Variants in PCDHGA4 observed in about 807,000 individuals in gnomAD.
PCDHGA4 encodes the protein protocadherin gamma-A4.
Under a neutral mutation model 54.6 loss-of-function variants are expected in PCDHGA4, and 38 were observed. The observed-to-expected ratio is 0.70, with a 90% CI of 0.54 to 0.91. The LOEUF is 0.91. Ranked by LOEUF, PCDHGA4 falls within the 40% of genes least tolerant of loss-of-function variation. The pLI is 0.00. For synonymous variants in PCDHGA4, 511 were observed against 512.9 expected, an observed-to-expected ratio of 1.00 and a Z score of 0.05; for missense variants, 1,298 against 1,220.9, an observed-to-expected ratio of 1.06 and a Z score of -0.94.
chr5:141,512,555 A>C lies in PCDHGA4; in HGVS notation c.*1382A>C, dbSNP rs1294402882. 2.6e-5 allele frequency: 4 copies of C among 152,986 alleles called. No individual in the cohort carries two copies. The highest frequency in any genetic ancestry group is 9.6e-5 in the African/African-American group (4 of 41,472). 9.5% of individuals were successfully genotyped at this position (152,986 alleles called of 1,614,324 possible). A position where few individuals can be genotyped will look rare whatever the true frequency, so the allele number is the denominator to read the frequency against. ...AGTTCCCCAGTGCCTCCTTGTGCAT[A>C]GACCTTCTTCTCCCACCCCCTTCTG... On this transcript the variant is annotated 3_prime_UTR_variant, in exon 4 of 4. Transcript: ENST00000571252.
At chr5:141,393,088 G>A in intron 1 of PCDHGA4, 3 of 1,613,648 alleles carry the variant, frequency 1.9e-6, no homozygotes, top group Non-Finnish European at 2.5e-6. Context: ...AGGATAGATC[G>A]GGAGGAGCTC....
intron 1 of PCDHGA4, among the ~76,000 whole-genome samples, chr5:141,401,908 T>C (rs942184637): frequency 1.3e-5 from 2 of 152,238 alleles, no homozygotes; most frequent in Admixed American, 1.3e-4. Flanking sequence ...CAAATTATTA[T>C]ATAAGTTTAA....
At chr5:141,375,897 C>T in intron 1 of PCDHGA4, 1 of 1,613,798 alleles carries the variant, frequency 6.2e-7, no homozygotes, top group South Asian at 1.1e-5. Flanking sequence ...GCCTGGCTGT[C>T]CTACCGCCTG....
rs541159563 is a variant in PCDHGA4, at chr5:141,383,854, G to A, written c.2514+26233G>A. 2.3e-5 allele frequency: 37 copies of A among 1,613,942 alleles called. No homozygotes were observed. The South Asian group carries it at 3.4e-4, about 15-fold the overall frequency. Reference sequence around the variant, plus strand: ...AGAAACTGCCTTCTATGAAATGGAGGTTCAGGCTCAAGATGGTCCTGGTAG... The same window carrying A: ...AGAAACTGCCTTCTATGAAATGGAGATTCAGGCTCAAGATGGTCCTGGTAG... On this transcript the variant is annotated intron_variant, in intron 1 of 3. Transcript: ENST00000571252.
chr5:141,427,807 A>T (rs1443881781), intron 1 of PCDHGA4: 2 of 1,521,932 alleles, frequency 1.3e-6, no homozygotes, highest in East Asian at 2.3e-5. Flanking sequence ...GTGAGCGCAC[A>T]GAGCGGGGTG....
intron 1 of PCDHGA4, chr5:141,378,655 G>A (rs963845635): frequency 2.6e-5 from 4 of 152,084 alleles, no homozygotes; most frequent in Admixed American, 6.5e-5. Context: ...ATGTTAATGA[G>A]GTTCAAATAA....
At chr5:141,479,842 G>A (rs1167563746) in intron 1 of PCDHGA4, among the ~76,000 whole-genome samples, 3 of 152,172 alleles carry the variant, frequency 2.0e-5, no homozygotes, top group African/African-American at 7.2e-5. Context: ...TCCATGCAAG[G>A]TGACTGCAAG....
chr5:141,419,435 C>T, intron 1 of PCDHGA4: 1 of 1,613,226 alleles, frequency 6.2e-7, no homozygotes, highest in Non-Finnish European at 8.5e-7. Context: ...CGAGCAGCTG[C>T]GCACCTTCGA....
rs778612383 is a variant in PCDHGA4, at chr5:141,360,299, G to A, written c.2514+2678G>A. The A allele has an allele frequency of 1.9e-6, 3 of 1,613,972 alleles. No homozygotes were observed. The South Asian group carries it at 3.3e-5, about 18-fold the overall frequency. ...GTAGGAAACCTCGCCAAGGATCTGGGGCTCAGCGTCCGGGACTTGCCAGCC... is the reference window on the plus strand; with the variant it reads ...GTAGGAAACCTCGCCAAGGATCTGGAGCTCAGCGTCCGGGACTTGCCAGCC... On this transcript the variant is annotated intron_variant, in intron 1 of 3. Coordinates refer to ENST00000571252, the MANE Select transcript of PCDHGA4 (RefSeq NM_018917.4).
chr5:141,389,607 A>G, intron 1 of PCDHGA4: 1 of 1,613,070 alleles, frequency 6.2e-7, no homozygotes, highest in Non-Finnish European at 8.5e-7. Context: ...GCTCTTCGAT[A>G]TGGTGCCGCA....
chr5:141,374,832 G>C, intron 1 of PCDHGA4: 13 of 1,613,908 alleles, frequency 8.1e-6, no homozygotes, highest in Non-Finnish European at 1.1e-5. Context: ...TACCGTGTAA[G>C]TGTTCCTGAA....
rs549866784 is a variant in PCDHGA4, at chr5:141,437,490, A to G, written c.2515-57317A>G. ...TTTTATAGCATATTTAATCTCGTAGATCACTTTTCAATGAATTATAAGGCT... is the reference window on the plus strand; with the variant it reads ...TTTTATAGCATATTTAATCTCGTAGGTCACTTTTCAATGAATTATAAGGCT... On this transcript the variant is annotated intron_variant, in intron 1 of 3. Coordinates refer to ENST00000571252, the MANE Select transcript of PCDHGA4 (RefSeq NM_018917.4). 2.0e-5 allele frequency among the ~76,000 whole-genome samples: 3 copies of G among 152,308 alleles called. No homozygotes were observed. In the East Asian group the frequency reaches 5.8e-4, roughly 29 times the overall value.
chr5:141,360,321 A>C lies in PCDHGA4; in HGVS notation c.2514+2700A>C, dbSNP rs777240773. 6 of 1,614,004 alleles carry C rather than the reference A, an allele frequency of 3.7e-6. No individual in the cohort carries two copies. In the Admixed American group the frequency reaches 8.3e-5, roughly 22 times the overall value. On this transcript the variant is annotated intron_variant, in intron 1 of 3. Coordinates refer to ENST00000571252, the MANE Select transcript of PCDHGA4 (RefSeq NM_018917.4). ...TGGGGCTCAGCGTCCGGGACTTGCC[A>C]GCCCGGAAGCTGCGGGTTAGCGCGG...
At chr5:141,367,381 C>T (rs1164352847) in intron 1 of PCDHGA4, 1 of 151,950 alleles carries the variant, frequency 6.6e-6, no homozygotes, top group Non-Finnish European at 1.5e-5. Flanking sequence ...ACTAAAAATA[C>T]AAAAAATTAG....
rs141151122 is a variant in PCDHGA4, at chr5:141,491,445, C to T, written c.2515-3362C>T. ...GAGGGCAGTGCTGCAGGCGCCAGGA[C>T]TCACCCTCCCCGGACTTCTATAAGC... is the stretch of plus-strand genomic sequence containing the variant. On this transcript the variant is annotated intron_variant, in intron 1 of 3. Transcript: ENST00000571252. This position sits in a 1 kb window ranked among gnomAD's most constrained non-coding sequence, Gnocchi z 6.9. 1 of 1,614,112 alleles carries T rather than the reference C, an allele frequency of 6.2e-7. No individual in the cohort carries two copies. The highest frequency in any genetic ancestry group is 8.5e-7 in the Non-Finnish European group (1 of 1,180,032).
At chr5:141,453,311 A>C (rs2098762053) in intron 1 of PCDHGA4, among the ~76,000 whole-genome samples, 1 of 151,602 alleles carries the variant, frequency 6.6e-6, no homozygotes, top group African/African-American at 2.4e-5. Flanking sequence ...TTATTTATTT[A>C]TTTTAGAGAT....
intron 1 of PCDHGA4, among the ~76,000 whole-genome samples, chr5:141,456,887 C>T (rs112521083): frequency 0.042 from 6,384 of 152,090 alleles, 167 homozygotes; most frequent in Middle Eastern, 0.088. Flanking sequence ...CGCTTGAACC[C>T]GGGAGGCAGA....
In PCDHGA4 at chr5:141,474,057, G is replaced by A. The variant is rs546654716; in HGVS notation, c.2515-20750G>A. Among the ~76,000 whole-genome samples, 3 of 152,192 alleles carry A rather than the reference G, an allele frequency of 2.0e-5. No homozygotes were observed. In the East Asian group the frequency reaches 5.8e-4, roughly 29 times the overall value. On this transcript the variant is annotated intron_variant, in intron 1 of 3. Transcript: ENST00000571252. ...TGTACTCCAGCCTGGATGACAGAGC[G>A]AGATCCTGCCTCAGAAACAAAAACC... is the stretch of plus-strand genomic sequence containing the variant.
chr5:141,431,748 G>A lies in PCDHGA4; in HGVS notation c.2515-63059G>A, dbSNP rs759671844. On this transcript the variant is annotated intron_variant, in intron 1 of 3. Coordinates refer to ENST00000571252, the MANE Select transcript of PCDHGA4 (RefSeq NM_018917.4). This position sits in a 1 kb window ranked among gnomAD's most constrained non-coding sequence, Gnocchi z 4.8. ...ATGGATAATGCAGGATATTCTGCGC[G>A]AGCCAAAGTCCTGATCACTGTTCTG... 4 of 1,614,078 alleles carry A rather than the reference G, an allele frequency of 2.5e-6. No individual in the cohort carries two copies. Among genetic ancestry groups the A allele is most frequent in the African/African-American group, 1.3e-5 (1 of 74,934 alleles).
Sources: allele counts gnomAD v4.1 joint callset (sites outside exome capture counted in the v4.1 genomes callset), GRCh38; gene constraint gnomAD v4.1.1; non-coding constraint Gnocchi (gnomAD v3.1); transcripts MANE v1.5; gene names NCBI Gene and HGNC (gene_info 2026-07-23, HGNC 2026-07-21).